Variants in ODAD2 observed in about 807,000 individuals in gnomAD.
The protein encoded by ODAD2 is outer dynein arm-docking complex subunit 2.
A neutral mutation model predicts 106.8 loss-of-function variants in ODAD2; 89 were observed. The ratio of observed to expected loss-of-function variants is 0.83; its 90% CI spans 0.70 to 0.99. ODAD2 has a LOEUF of 0.99. Ranked by LOEUF, ODAD2 falls within the 50% of genes least tolerant of loss-of-function variation. The probability of loss-of-function intolerance (pLI) is 0.00; values close to 1 mark genes in which losing one functional copy is unlikely to be tolerated. For synonymous variants in ODAD2, 404 were observed against 436.2 expected, an observed-to-expected ratio of 0.93 and a Z score of 0.92; for missense variants, 1,168 against 1,238.5, an observed-to-expected ratio of 0.94 and a Z score of 0.85.
intron 19 of ODAD2, among the ~76,000 whole-genome samples, chr10:27,832,772 G>T (rs1430815182): frequency 6.6e-6 from 1 of 152,034 alleles, no homozygotes; most frequent in Non-Finnish European, 1.5e-5. Flanking sequence ...CTCACAATGG[G>T]TATCCTATTT....
intron 9 of ODAD2, among the ~76,000 whole-genome samples, chr10:27,964,468 G>T (rs1032368772): frequency 6.6e-6 from 1 of 152,146 alleles, no homozygotes; most frequent in Non-Finnish European, 1.5e-5. Context: ...TGTATTATCA[G>T]GCATATTCAT....
At chr10:27,907,887 A>AT in intron 16 of ODAD2, 110 bp from the exon 17 acceptor site, 1 of 759,048 alleles carries the variant, frequency 1.3e-6, no homozygotes, top group East Asian at 2.8e-5. Flanking sequence ...TTTTGCTTAG[A>AT]ATTTTTTTTT....
intron 19 of ODAD2, chr10:27,835,992 G>C (rs910003151): frequency 2.0e-5 from 3 of 152,744 alleles, no homozygotes; most frequent in African/African-American, 7.3e-5. Context: ...TTAAGTGGAA[G>C]TGGATCATCA....
intron 19 of ODAD2, among the ~76,000 whole-genome samples, chr10:27,843,771 A>C (rs1838491369): frequency 6.6e-6 from 1 of 152,212 alleles, no homozygotes; most frequent in Non-Finnish European, 1.5e-5. Flanking sequence ...TGTCTCAAAA[A>C]AAAACAAAAC....
At chr10:27,929,981 G>A (rs950296703) in intron 16 of ODAD2, among the ~76,000 whole-genome samples, 1 of 151,922 alleles carries the variant, frequency 6.6e-6, no homozygotes, top group Non-Finnish European at 1.5e-5. Context: ...TATTCCATTG[G>A]TTCCAACCTC....
chr10:27,926,904 A>C (rs1053304496), intron 16 of ODAD2, among the ~76,000 whole-genome samples: 1 of 152,152 alleles, frequency 6.6e-6, no homozygotes, highest in Non-Finnish European at 1.5e-5. Context: ...TTTTATAAGT[A>C]TCAAATAGAC....
intron 17 of ODAD2, among the ~76,000 whole-genome samples, chr10:27,876,358 A>T (rs1286451998): frequency 6.6e-6 from 1 of 152,198 alleles, no homozygotes; most frequent in Non-Finnish European, 1.5e-5. Context: ...CTCCAGATGA[A>T]CGATCAGGCA....
chr10:27,989,724 T>G (rs565834289), intron 2 of ODAD2, among the ~76,000 whole-genome samples: 14 of 152,288 alleles, frequency 9.2e-5, no homozygotes, highest in African/African-American at 3.1e-4. Context: ...TGGCACGTGC[T>G]TTGGTCCCAG....
chr10:27,918,814 G>GA (rs1468702858), intron 16 of ODAD2, among the ~76,000 whole-genome samples: 4 of 150,418 alleles, frequency 2.7e-5, no homozygotes, highest in African/African-American at 9.8e-5. Context: ...AAAAAAATTG[G>GA]AAAAAATAAA....
intron 17 of ODAD2, among the ~76,000 whole-genome samples, chr10:27,872,929 T>C (rs36170986): frequency 6.6e-6 from 1 of 152,198 alleles, no homozygotes. Context: ...TCAGAAGGAA[T>C]GGTCCCCGCT....
intron 19 of ODAD2, among the ~76,000 whole-genome samples, chr10:27,848,676 T>A (rs1838995415): frequency 6.6e-6 from 1 of 152,186 alleles, no homozygotes; most frequent in African/African-American, 2.4e-5. Flanking sequence ...GAAGGGCTAA[T>A]ATCCAGAATC....
intron 19 of ODAD2, among the ~76,000 whole-genome samples, chr10:27,822,991 G>T (rs1252210957): frequency 6.6e-6 from 1 of 152,196 alleles, no homozygotes; most frequent in Non-Finnish European, 1.5e-5. Flanking sequence ...ATTGGGAGTA[G>T]AAATGGGATA....
intron 5 of ODAD2, 40 bp from the exon 6 acceptor site, chr10:27,984,019 C>A (rs2133125084): frequency 6.3e-7 from 1 of 1,590,636 alleles, no homozygotes. Context: ...AGTTCCTTAA[C>A]CTAGAGTTTG....
intron 17 of ODAD2, chr10:27,905,236 T>A (rs1163872213): frequency 6.5e-6 from 1 of 154,702 alleles, no homozygotes; most frequent in Non-Finnish European, 1.4e-5. Flanking sequence ...AAAAGAAATG[T>A]ATGATAAATT....
intron 19 of ODAD2, among the ~76,000 whole-genome samples, chr10:27,847,141 T>C (rs1305698479): frequency 6.6e-6 from 1 of 152,076 alleles, no homozygotes; most frequent in Middle Eastern, 3.2e-3. Context: ...TTTAGACCAA[T>C]ATCCCTGATG....
Position 27,939,989 on chromosome 10 carries a change from T to A in ODAD2, c.2005A>T (p.Ile669Phe). 1 of 1,607,978 alleles carries A rather than the reference T, an allele frequency of 6.2e-7. No homozygotes were observed. The highest frequency in any genetic ancestry group is 1.1e-5 in the South Asian group (1 of 90,244). Reference sequence around the variant, plus strand: ...TTTTCAATGATCCTTTCTGCTTTGATTGCAGCCCGGTAGTTTTCCTAGGAA... The same window carrying A: ...TTTTCAATGATCCTTTCTGCTTTGAATGCAGCCCGGTAGTTTTCCTAGGAA... ...CASEENYRAA[I>F]KAERIIENLV... The change falls in exon 14 of 20, where the codon ATC becomes TTC. Residue 669 changes from isoleucine (I) to phenylalanine (F), a missense_variant. Coordinates refer to ENST00000305242, the MANE Select transcript of ODAD2 (RefSeq NM_018076.5).
chr10:27,890,770 T>TA (rs1198933209), intron 17 of ODAD2, among the ~76,000 whole-genome samples: 53 of 77,066 alleles, frequency 6.9e-4, no homozygotes, highest in South Asian at 1.8e-3. Context: ...ATATATATAT[T>TA]TAAAAAAAAA....
intron 19 of ODAD2, among the ~76,000 whole-genome samples, chr10:27,816,307 C>T (rs1180981015): frequency 1.3e-5 from 2 of 152,126 alleles, no homozygotes; most frequent in African/African-American, 4.8e-5. Flanking sequence ...AGAAATAAGA[C>T]AGGATCAATC....
At chr10:27,875,997 G>A (rs1430978645) in intron 17 of ODAD2, among the ~76,000 whole-genome samples, 1 of 152,216 alleles carries the variant, frequency 6.6e-6, no homozygotes, top group Non-Finnish European at 1.5e-5. Flanking sequence ...GAGCCTGGGG[G>A]AGGGGCACCC....
Sources: gnomAD v4.1 joint callset for allele counts (sites outside exome capture counted in the v4.1 genomes callset) on GRCh38, gnomAD v4.1.1 for gene constraint, MANE v1.5 for transcripts, NCBI Gene and HGNC (gene_info 2026-07-23, HGNC 2026-07-21) for gene names.